The following LONP2 variants were observed in gnomAD, a reference collection of about 807,000 sequenced individuals.
LONP2 encodes lon protease homolog 2, peroxisomal.
Under a neutral mutation model 85.6 loss-of-function variants are expected in LONP2, and 60 were observed. That is an observed-to-expected ratio of 0.70 (90% confidence interval 0.57 to 0.87). LONP2 has a LOEUF of 0.87. Among genes scored for constraint, LONP2 ranks in the 40% least tolerant of loss-of-function variants. The pLI, the probability that LONP2 is intolerant of heterozygous loss-of-function variation, is 0.00. For missense variants in LONP2, 860 were observed against 1,063.5 expected (o/e 0.81, Z 2.66); for synonymous variants, 395 against 389.7 (o/e 1.01, Z -0.16).
At chr16:48,304,338 TAAA>T (rs898968541) in intron 11 of LONP2, among the ~76,000 whole-genome samples, 1 of 152,246 alleles carries the variant, frequency 6.6e-6, no homozygotes, top group Non-Finnish European at 1.5e-5. Context: ...AATTATTCTT[TAAA>T]AAATTATTGT....
intron 9 of LONP2, among the ~76,000 whole-genome samples, chr16:48,299,327 A>T (rs1438504970): frequency 6.6e-6 from 1 of 152,046 alleles, no homozygotes; most frequent in Non-Finnish European, 1.5e-5. Flanking sequence ...ACTCATGCCT[A>T]TAATCTCAGC....
At chr16:48,286,817 A>G (rs1419546030) in intron 8 of LONP2, among the ~76,000 whole-genome samples, 5 of 141,202 alleles carry the variant, frequency 3.5e-5, no homozygotes, top group East Asian at 2.0e-4. Flanking sequence ...TTTTTTTTTT[A>G]CTCTTTAGGG....
chr16:48,309,801 A>G (rs527933581), intron 11 of LONP2, among the ~76,000 whole-genome samples: 225 of 152,178 alleles, frequency 1.5e-3, no homozygotes, highest in African/African-American at 5.1e-3. Context: ...TGCTAATGAG[A>G]AAAATGTATC....
At chr16:48,361,365 A>G (rs543420679), downstream of LONP2, 9 of 524,854 alleles carry the variant, frequency 1.7e-5, no homozygotes, top group African/African-American at 1.3e-4. Flanking sequence ...GTATATACAT[A>G]TATTTTTTCA....
At chr16:48,280,099 C>T (rs74016392) in intron 8 of LONP2, among the ~76,000 whole-genome samples, 2,086 of 152,236 alleles carry the variant, frequency 0.014, 46 homozygotes, top group African/African-American at 0.047. Flanking sequence ...AGTTTTGCTA[C>T]TTTTTATTGT....
intron 11 of LONP2, among the ~76,000 whole-genome samples, chr16:48,329,434 G>T (rs917544074): frequency 6.6e-6 from 1 of 152,128 alleles, no homozygotes; most frequent in Non-Finnish European, 1.5e-5. Context: ...TGGTTTCAGG[G>T]TGTTTGTGTT....
intron 8 of LONP2, among the ~76,000 whole-genome samples, chr16:48,284,138 C>T (rs1041674142): frequency 2.0e-5 from 3 of 152,192 alleles, no homozygotes; most frequent in African/African-American, 7.2e-5. Flanking sequence ...TGAGGAGTTG[C>T]TTCTTACAGA....
intron 7 of LONP2, among the ~76,000 whole-genome samples, chr16:48,275,021 T>C (rs1011732208): frequency 6.6e-6 from 1 of 152,210 alleles, no homozygotes; most frequent in Non-Finnish European, 1.5e-5. Context: ...GTTGCTTCCA[T>C]GAGGCAGAAA....
intron 8 of LONP2, among the ~76,000 whole-genome samples, chr16:48,295,715 G>C (rs1446290426): frequency 2.0e-5 from 3 of 152,232 alleles, no homozygotes; most frequent in Admixed American, 1.3e-4. Context: ...GGTAACTTAT[G>C]ATGGCCAAAC....
In LONP2 at chr16:48,251,347, A is replaced by G. The variant is rs555145365; in HGVS notation, c.234-784A>G. On this transcript the variant is annotated intron_variant, in intron 1 of 14. Coordinates refer to ENST00000285737, the MANE Select transcript of LONP2 (RefSeq NM_031490.5). ...CTCAATGTTGATTTTTGTATTTTAT[A>G]TAACTGACTTAGTTTGGATGAGGCT... 1.1e-4 allele frequency among the ~76,000 whole-genome samples: 17 copies of G among 152,318 alleles called. No individual in the cohort carries two copies. The East Asian group carries it at 2.9e-3, about 26-fold the overall frequency.
At chr16:48,246,507 C>T (rs774727161) in intron 1 of LONP2, among the ~76,000 whole-genome samples, 2 of 152,186 alleles carry the variant, frequency 1.3e-5, no homozygotes. Flanking sequence ...GATTTAGTCA[C>T]ATTTTAAGTT....
intron 4 of LONP2, among the ~76,000 whole-genome samples, chr16:48,259,837 G>A (rs74016346): frequency 0.012 from 1,863 of 152,280 alleles, 38 homozygotes; most frequent in African/African-American, 0.042. Flanking sequence ...TTTGTATAGA[G>A]AGACAAATCC....
At chr16:48,341,637 A>G (rs1373087351) in intron 12 of LONP2, among the ~76,000 whole-genome samples, 1 of 152,226 alleles carries the variant, frequency 6.6e-6, no homozygotes, top group Non-Finnish European at 1.5e-5. Context: ...ACAGATCCAA[A>G]CCATATCAAA....
chr16:48,295,938 T>G, intron 8 of LONP2, 77 bp from the exon 9 acceptor site: 2 of 1,359,960 alleles, frequency 1.5e-6, no homozygotes, highest in Non-Finnish European at 2.1e-6. Context: ...TGCCAGTACA[T>G]CATGTGTGTT....
Position 48,347,488 on chromosome 16 carries a change from T to G in LONP2, c.1939-19T>G, listed in dbSNP as rs929696577. On this transcript the variant is annotated intron_variant, in intron 12 of 14. Transcript: ENST00000285737. The stretch of plus-strand genomic sequence containing the variant: ...TTAGCATTTGCCAACCCAACTCTGA[T>G]CATTCTTCTTCTTTCAAGGTATCTC... The G allele has an allele frequency of 3.1e-6, 5 of 1,613,826 alleles. No homozygotes were observed. The highest frequency in any genetic ancestry group is 4.2e-6 in the Non-Finnish European group (5 of 1,179,784).
chr16:48,359,374 A>G (rs1960490777), downstream of LONP2, among the ~76,000 whole-genome samples: 1 of 152,246 alleles, frequency 6.6e-6, no homozygotes, highest in African/African-American at 2.4e-5. Context: ...ACACATGCTA[A>G]TGAACAGACT....
At chr16:48,362,288 A>G, downstream of LONP2, 1 of 1,614,222 alleles carries the variant, frequency 6.2e-7, no homozygotes, top group South Asian at 1.1e-5. The surrounding 1 kb of genome is among the most constrained non-coding windows in gnomAD (Gnocchi z 4.2). Flanking sequence ...GCGGTAACAC[A>G]TAGTCAAAGC....
intron 11 of LONP2, among the ~76,000 whole-genome samples, chr16:48,313,610 A>C: frequency 6.6e-6 from 1 of 152,190 alleles, no homozygotes; most frequent in East Asian, 1.9e-4. Flanking sequence ...TAGTTTGTTG[A>C]GGATAATGGC....
chr16:48,330,910 GC>G, intron 11 of LONP2, among the ~76,000 whole-genome samples: 1 of 152,256 alleles, frequency 6.6e-6, no homozygotes, highest in Non-Finnish European at 1.5e-5. Flanking sequence ...CTCCCCCAGT[GC>G]TCAGAACGCT....
Sources: gnomAD v4.1 joint callset for allele counts (sites outside exome capture counted in the v4.1 genomes callset) on GRCh38, gnomAD v4.1.1 for gene constraint, Gnocchi (gnomAD v3.1) non-coding constraint, MANE v1.5 for transcripts, NCBI Gene and HGNC (gene_info 2026-07-23, HGNC 2026-07-21) for gene names.